The following RBM33 variants were observed in gnomAD, a reference collection of about 807,000 sequenced individuals.
RBM33 encodes RNA-binding protein 33.
A neutral mutation model predicts 132.6 loss-of-function variants in RBM33; 28 were observed. The ratio of observed to expected loss-of-function variants is 0.21; its 90% confidence interval spans 0.16 to 0.29. The LOEUF is 0.29. Ranked by LOEUF, RBM33 falls within the 10% of genes least tolerant of loss-of-function variation. The pLI, the probability that RBM33 is intolerant of heterozygous loss-of-function variation, is 1.00. For synonymous variants in RBM33, 634 were observed against 593.0 expected (o/e 1.07, Z -1.01); for missense variants, 1,291 against 1,518.5 (o/e 0.85, Z 2.49).
Position 155,779,759 on chromosome 7 carries a change from G to A in RBM33, c.*4718G>A, listed in dbSNP as rs1172925534. The A allele has an allele frequency of 6.6e-6, 1 of 152,132 alleles. No homozygotes were observed. Among genetic ancestry groups the A allele is most frequent in the Non-Finnish European group, 1.5e-5 (1 of 68,036 alleles). 9.4% of individuals were successfully genotyped at this position (152,132 alleles called of 1,614,324 possible). ...GCCTTGGCTAGAAAATGCTTTTAAT[G>A]TCTCAACTCTCTCTTTTCTGTGTCA... On this transcript the variant is annotated 3_prime_UTR_variant, in exon 18 of 18. Transcript: ENST00000401878.
At chr7:155,711,533 C>T (rs537558200) in intron 8 of RBM33, 78 bp downstream of exon 8, 222 of 959,038 alleles carry the variant, frequency 2.3e-4, no homozygotes, top group Non-Finnish European at 3.0e-4. Flanking sequence ...TTTCCACTGA[C>T]GCGTTTTTGA....
At chr7:155,686,665 T>C (rs1306318977) in intron 5 of RBM33, among the ~76,000 whole-genome samples, 1 of 151,932 alleles carries the variant, frequency 6.6e-6, no homozygotes, top group Non-Finnish European at 1.5e-5. Context: ...GTGTGTGATA[T>C]TCCCCTTCCT....
intron 1 of RBM33, among the ~76,000 whole-genome samples, chr7:155,650,078 C>T (rs1798315073): frequency 6.6e-6 from 1 of 152,208 alleles, no homozygotes; most frequent in African/African-American, 2.4e-5. Context: ...CCAGGCTTTT[C>T]AGTTTGTATG....
chr7:155,728,463 A>G (rs548358085), intron 9 of RBM33, among the ~76,000 whole-genome samples: 1 of 152,216 alleles, frequency 6.6e-6, no homozygotes, highest in South Asian at 2.1e-4. Context: ...TTCTTACTCT[A>G]TTTAACTAAA....
intron 13 of RBM33, among the ~76,000 whole-genome samples, chr7:155,744,759 C>T (rs928663082): frequency 3.3e-5 from 5 of 150,434 alleles, no homozygotes; most frequent in Non-Finnish European, 5.9e-5. Flanking sequence ...TAAGATTTTC[C>T]AAATTAGCTT....
Position 155,776,042 on chromosome 7 carries a change from CG to C in RBM33, c.*1005del, listed in dbSNP as rs1802596941. ...CTGGCCTGCCGTTCCCCGTGGCATG[CG>C]GGGTGAGGGTGGCTTTCTTCCAGCC... is the stretch of plus-strand genomic sequence containing the variant. On this transcript the variant is annotated 3_prime_UTR_variant, in exon 18 of 18. Coordinates refer to ENST00000401878, the MANE Select transcript of RBM33 (RefSeq NM_053043.3). This position sits in a 1 kb window ranked among gnomAD's most constrained non-coding sequence, Gnocchi z 4.0. The C allele has an allele frequency of 6.6e-6, 1 of 152,362 alleles. No homozygotes were observed. The highest frequency in any genetic ancestry group is 2.1e-4 in the South Asian group (1 of 4,832). The allele number at this position is 152,362 out of a possible 1,614,324, so 9.4% of individuals were successfully genotyped here.
intron 9 of RBM33, among the ~76,000 whole-genome samples, chr7:155,723,879 T>A (rs1467492337): frequency 6.6e-6 from 1 of 152,188 alleles, no homozygotes; most frequent in East Asian, 1.9e-4. Context: ...CTGGAAGCAA[T>A]CTCCTATGCA....
At chr7:155,706,335 G>A (rs1800111880) in intron 6 of RBM33, among the ~76,000 whole-genome samples, 2 of 152,128 alleles carry the variant, frequency 1.3e-5, no homozygotes, top group Non-Finnish European at 2.9e-5. Flanking sequence ...CTATTAAAAT[G>A]CAAAAAAATC....
At chr7:155,693,338 T>G (rs1181382222) in intron 5 of RBM33, among the ~76,000 whole-genome samples, 1 of 151,376 alleles carries the variant, frequency 6.6e-6, no homozygotes, top group African/African-American at 2.4e-5. Context: ...TTTTCTTTTT[T>G]TTTTTCTTTT....
At chr7:155,752,079 C>G (rs558299122) in intron 14 of RBM33, among the ~76,000 whole-genome samples, 34 of 152,228 alleles carry the variant, frequency 2.2e-4, no homozygotes, top group African/African-American at 7.9e-4. Context: ...AGTGAGAGCC[C>G]CTTTAAACTG....
chr7:155,679,125 T>C (rs1392435124), intron 4 of RBM33, among the ~76,000 whole-genome samples: 4 of 152,104 alleles, frequency 2.6e-5, no homozygotes, highest in Non-Finnish European at 5.9e-5. Context: ...TGAGCCGAGA[T>C]TGTGCCACTG....
intron 12 of RBM33, 129 bp from the exon 13 acceptor site, chr7:155,741,690 T>C (rs1801341803): frequency 4.7e-6 from 4 of 858,950 alleles, no homozygotes; most frequent in Non-Finnish European, 7.2e-6. Context: ...GAAAAAAGTA[T>C]CTGCTCCCCA....
rs1200610302 is a variant in RBM33 at position 155,779,600 on chromosome 7, T to C, written c.*4559T>C. The C allele has an allele frequency of 6.6e-6, 1 of 152,218 alleles. No individual in the cohort carries two copies. Among genetic ancestry groups the C allele is most frequent in the Non-Finnish European group, 1.5e-5 (1 of 68,044 alleles). The allele number at this position is 152,218 out of a possible 1,614,324, so 9.4% of individuals were successfully genotyped here. A position where few individuals can be genotyped will look rare whatever the true frequency, so the allele number is the denominator to read the frequency against. On this transcript the variant is annotated 3_prime_UTR_variant, in exon 18 of 18. Coordinates refer to ENST00000401878, the MANE Select transcript of RBM33 (RefSeq NM_053043.3). ...TTTAATTTTTTTTAAATGCCTAACT[T>C]CTGAGGTGCATAAGCCCGTGGTTTG...
intron 6 of RBM33, among the ~76,000 whole-genome samples, chr7:155,704,051 G>A (rs888455764): frequency 6.6e-6 from 1 of 152,176 alleles, no homozygotes; most frequent in Non-Finnish European, 1.5e-5. Context: ...GACTCTAAAA[G>A]TTTACATGTG....
At chr7:155,725,543 A>G (rs1284071844) in intron 9 of RBM33, among the ~76,000 whole-genome samples, 1 of 152,204 alleles carries the variant, frequency 6.6e-6, no homozygotes, top group Non-Finnish European at 1.5e-5. Flanking sequence ...TTGTAACTAC[A>G]TAAAATTGTG....
chr7:155,739,538 C>T, intron 11 of RBM33, 177 bp from the exon 12 acceptor site: 1 of 655,464 alleles, frequency 1.5e-6, no homozygotes, highest in South Asian at 2.1e-5. Context: ...AAGGTAATAG[C>T]TTCTGGCTTA....
intron 3 of RBM33, among the ~76,000 whole-genome samples, chr7:155,677,346 C>A (rs1454881638): frequency 6.6e-6 from 1 of 151,732 alleles, no homozygotes; most frequent in Non-Finnish European, 1.5e-5. Flanking sequence ...GTAGCTGGGA[C>A]TACAGGCGCC....
At chr7:155,763,716 TG>T in intron 14 of RBM33, 95 bp from the exon 15 acceptor site, 1 of 1,130,062 alleles carries the variant, frequency 8.8e-7, no homozygotes, top group Non-Finnish European at 1.3e-6. Context: ...TTTTGCTTTG[TG>T]GGTGAACACT....
chr7:155,716,881 C>G (rs1278392089), intron 8 of RBM33, among the ~76,000 whole-genome samples: 1 of 152,154 alleles, frequency 6.6e-6, no homozygotes, highest in Non-Finnish European at 1.5e-5. Context: ...GCCATTTTTA[C>G]ATTTTATAAA....
Sources: gnomAD v4.1 joint callset for allele counts (sites outside exome capture counted in the v4.1 genomes callset) on GRCh38, gnomAD v4.1.1 for gene constraint, Gnocchi (gnomAD v3.1) non-coding constraint, MANE v1.5 for transcripts, NCBI Gene and HGNC (gene_info 2026-07-23, HGNC 2026-07-21) for gene names.